The following ARHGEF1 variants were observed in gnomAD, a reference collection of about 807,000 sequenced individuals.
ARHGEF1 encodes the protein 115 kDa guanine nucleotide exchange factor.
A neutral mutation model predicts 119.7 loss-of-function variants in ARHGEF1; 40 were observed. The observed-to-expected ratio is 0.33, with a 90% confidence interval of 0.26 to 0.44. The LOEUF is 0.44. ARHGEF1 is among the 20% of genes least tolerant of loss of function. ARHGEF1 has a pLI of 1.00. For missense variants in ARHGEF1, 976 were observed against 1,268.3 expected, an observed-to-expected ratio of 0.77 and a Z score of 3.50; for synonymous variants, 494 against 521.0, an observed-to-expected ratio of 0.95 and a Z score of 0.71.
At chr19:41,894,062 G>A (rs572784695) in intron 8 of ARHGEF1, 145 bp from the exon 9 acceptor site, 59 of 495,938 alleles carry the variant, frequency 1.2e-4, no homozygotes, top group African/African-American at 1.1e-3. Flanking sequence ...AGTCTCACAG[G>A]AAGTAGTTGT....
chr19:41,914,606 CT>C lies in ARHGEF1; in HGVS notation c.1865+7804del, dbSNP rs1568831729. On this transcript the variant is annotated intron_variant, in intron 18 of 20. Coordinates refer to the ARHGEF1 transcript ENST00000599589. The stretch of plus-strand genomic sequence containing the variant: ...CCCTCCCTTTCCACCATCTCTGTCT[CT>C]CCCTCCCCTTCCACCATCTCTGTCT... 1.5e-3 allele frequency among the ~76,000 whole-genome samples: 88 copies of C among 59,580 alleles called. 10 individuals are homozygous for C. The highest frequency in any genetic ancestry group is 2.0e-3 in the Non-Finnish European group (63 of 31,178). The allele number at this position is 59,580 out of a possible 152,430, so 39.1% of individuals were successfully genotyped here. A position where few individuals can be genotyped will look rare whatever the true frequency, so the allele number is the denominator to read the frequency against.
At chr19:41,908,375 A>AC, downstream of ARHGEF1, 4 of 1,230,826 alleles carry the variant, frequency 3.2e-6, no homozygotes, top group Non-Finnish European at 4.1e-6. This position sits in a 1 kb window ranked among gnomAD's most constrained non-coding sequence, Gnocchi z 6.7. Flanking sequence ...CAGCCTCTGG[A>AC]CCCCCAGCCC....
At chr19:41,929,421 G>C (rs2074891959) in intron 2 of ARHGEF1, among the ~76,000 whole-genome samples, 1 of 152,170 alleles carries the variant, frequency 6.6e-6, no homozygotes, top group African/African-American at 2.4e-5. Context: ...TGCCCAGCCA[G>C]ATCTGCTCCC....
At chr19:41,894,708 A>T (rs1555847161) in intron 11 of ARHGEF1, 47 bp downstream of exon 11, 1 of 1,605,752 alleles carries the variant, frequency 6.2e-7, no homozygotes, top group East Asian at 2.2e-5. Context: ...CCTGTGTGGG[A>T]GAGGCTAGGA....
In ARHGEF1 at chr19:41,907,247, T is replaced by G; in HGVS notation, c.*160T>G. 6.6e-6 allele frequency: 10 copies of G among 1,521,704 alleles called. No homozygotes were observed. Among genetic ancestry groups the G allele is most frequent in the Non-Finnish European group, 8.8e-6 (10 of 1,138,856 alleles). The allele number at this position is 1,521,704 out of a possible 1,614,324, so 94.3% of individuals were successfully genotyped here. ...CTGGGAGGGGCCCAGCTGGGGTTAC[T>G]GGCCCCGCATGAGCCTCGGCCATCT... is the stretch of plus-strand genomic sequence containing the variant. On this transcript the variant is annotated 3_prime_UTR_variant, in exon 29 of 29. Transcript: ENST00000354532.
rs782728786 is a variant in ARHGEF1 at position 41,894,555 on chromosome 19, G to A, written c.841+8G>A. The A allele has an allele frequency of 3.1e-6, 5 of 1,613,764 alleles. No homozygotes were observed. Among genetic ancestry groups the A allele is most frequent in the South Asian group, 2.2e-5 (2 of 91,066 alleles). On this transcript the variant is annotated splice_region_variant and intron_variant, in intron 10 of 28. Coordinates refer to ENST00000354532, the MANE Select transcript of ARHGEF1 (RefSeq NM_004706.4). ...ACCGGGGAGAGCCCCAGGGTAAGGC[G>A]GCTCTGGCCTCTGCCCTCCCCTGTC...
At chr19:41,907,490 G>A, downstream of ARHGEF1, 1 of 1,350,634 alleles carries the variant, frequency 7.4e-7, no homozygotes, top group Non-Finnish European at 1.0e-6. Context: ...GCCTGGCATG[G>A]CGTCTGGAAC....
At chr19:41,925,710 CAG>C (rs1256886643) in intron 1 of ARHGEF1, among the ~76,000 whole-genome samples, 1 of 152,088 alleles carries the variant, frequency 6.6e-6, no homozygotes, top group Non-Finnish European at 1.5e-5. Context: ...GTAGGAAAGA[CAG>C]GTACGGGGGA....
chr19:41,887,896 G>A (rs1470483906), intron 1 of ARHGEF1, among the ~76,000 whole-genome samples, 168 bp from the exon 2 acceptor site: 1 of 152,238 alleles, frequency 6.6e-6, no homozygotes, highest in Admixed American at 6.5e-5. Context: ...GCCCCCTGGC[G>A]GGTCTCTGAA....
chr19:41,926,664 T>C (rs782030484), intron 1 of ARHGEF1, among the ~76,000 whole-genome samples: 1 of 151,540 alleles, frequency 6.6e-6, no homozygotes, highest in Non-Finnish European at 1.5e-5. Flanking sequence ...CCAGGGCCCC[T>C]GAGGCTGCTT....
chr19:41,899,862 A>G (rs1335505271), intron 14 of ARHGEF1, among the ~76,000 whole-genome samples: 3 of 152,116 alleles, frequency 2.0e-5, no homozygotes, highest in Admixed American at 1.3e-4. Flanking sequence ...TACTTATTCA[A>G]AAATTTTAGG....
chr19:41,895,579 C>G (rs2074470748), intron 12 of ARHGEF1, 93 bp downstream of exon 12: 1 of 1,362,580 alleles, frequency 7.3e-7, no homozygotes. Context: ...AGAAGCCATT[C>G]CCCAGCAACA....
chr19:41,903,611 A>G lies in ARHGEF1; in HGVS notation c.1840-96A>G. On this transcript the variant is annotated intron_variant, in intron 19 of 28. Coordinates refer to ENST00000354532, the MANE Select transcript of ARHGEF1 (RefSeq NM_004706.4). This position sits in a 1 kb window ranked among gnomAD's most constrained non-coding sequence, Gnocchi z 4.2. ...GCCCAACCCTCAGCTTGCCCGCATC[A>G]GAAGTTGGTCTTGGCTCTCATCTTA... 1 of 1,363,312 alleles carries G rather than the reference A, an allele frequency of 7.3e-7. No homozygotes were observed. Among genetic ancestry groups the G allele is most frequent in the South Asian group, 1.2e-5 (1 of 82,004 alleles). The allele number at this position is 1,363,312 out of a possible 1,614,324, so 84.5% of individuals were successfully genotyped here.
At position 41,892,468 on chromosome 19, in the gene ARHGEF1, C is replaced by T. The variant is rs1473985811; in HGVS notation, c.367+95C>T. On this transcript the variant is annotated intron_variant, in intron 6 of 28. Coordinates refer to ENST00000354532, the MANE Select transcript of ARHGEF1 (RefSeq NM_004706.4). The surrounding 1 kb of genome is among the most constrained non-coding windows in gnomAD (Gnocchi z 6.3). ...GGAGGCCGCACTCCCATGCTCTGCT[C>T]GGACAGCCGAGATTCATTCATTCCT... 4.0e-5 allele frequency: 64 copies of T among 1,596,598 alleles called. No individual in the cohort carries two copies. Among genetic ancestry groups the T allele is most frequent in the African/African-American group, 5.4e-5 (4 of 74,566 alleles).
rs905798965 is a variant in ARHGEF1 at position 41,902,668 on chromosome 19, G to A, written c.1623+10G>A. On this transcript the variant is annotated intron_variant, in intron 17 of 28. Coordinates refer to ENST00000354532, the MANE Select transcript of ARHGEF1 (RefSeq NM_004706.4). This position sits in a 1 kb window ranked among gnomAD's most constrained non-coding sequence, Gnocchi z 6.5. Reference sequence around the variant, plus strand: ...CTGTGCCTTCGTGCAGGTGAGGTGGGGTCTGGACTCCAGCTTCCCAGGGAG... The same window carrying A: ...CTGTGCCTTCGTGCAGGTGAGGTGGAGTCTGGACTCCAGCTTCCCAGGGAG... 3 of 1,614,018 alleles carry A rather than the reference G, an allele frequency of 1.9e-6. No homozygotes were observed. Among genetic ancestry groups the A allele is most frequent in the Admixed American group, 3.3e-5 (2 of 60,002 alleles).
Position 41,907,263 on chromosome 19 carries a change from TCGG to T in ARHGEF1, c.*178_*180del, listed in dbSNP as rs1183315699. 6.6e-7 allele frequency: 1 copy of T among 1,526,470 alleles called. No homozygotes were observed. The highest frequency in any genetic ancestry group is 1.4e-5 in the African/African-American group (1 of 72,762). The allele number at this position is 1,526,470 out of a possible 1,614,324, so 94.6% of individuals were successfully genotyped here. A position where few individuals can be genotyped will look rare whatever the true frequency, so the allele number is the denominator to read the frequency against. ...TGGGGTTACTGGCCCCGCATGAGCC[TCGG>T]CCATCTCTCCCTCCTGCCCTCTGCT... On this transcript the variant is annotated 3_prime_UTR_variant, in exon 29 of 29. Coordinates refer to ENST00000354532, the MANE Select transcript of ARHGEF1 (RefSeq NM_004706.4).
intron 8 of ARHGEF1, among the ~76,000 whole-genome samples, chr19:41,893,905 G>A (rs2074426386): frequency 2.3e-5 from 3 of 129,934 alleles, no homozygotes; most frequent in Admixed American, 1.5e-4. Context: ...CTGGGGGCCT[G>A]GACTCCTGGG....
chr19:41,903,543 G>A lies in ARHGEF1; in HGVS notation c.1839+136G>A. On this transcript the variant is annotated intron_variant, in intron 19 of 28. Transcript: ENST00000354532. The surrounding 1 kb of genome is among the most constrained non-coding windows in gnomAD (Gnocchi z 4.2). Reference sequence around the variant, plus strand: ...CAAGGGTCACTGTGTCCAGGGGTTGGCTTGGCCCTCAGCATCTCCCTCTCA... The same window carrying A: ...CAAGGGTCACTGTGTCCAGGGGTTGACTTGGCCCTCAGCATCTCCCTCTCA... The A allele has an allele frequency of 1.8e-6, 2 of 1,103,372 alleles. No homozygotes were observed. The allele number at this position is 1,103,372 out of a possible 1,614,324, so 68.3% of individuals were successfully genotyped here. A position where few individuals can be genotyped will look rare whatever the true frequency, so the allele number is the denominator to read the frequency against.
chr19:41,895,600 G>T (rs2074471490), intron 12 of ARHGEF1, 114 bp downstream of exon 12: 1 of 1,172,750 alleles, frequency 8.5e-7, no homozygotes, highest in East Asian at 2.5e-5. Flanking sequence ...CCTCCCCTTT[G>T]CTCTCAGCAT....
Sources: allele counts gnomAD v4.1 joint callset (sites outside exome capture counted in the v4.1 genomes callset), GRCh38; gene constraint gnomAD v4.1.1; non-coding constraint Gnocchi (gnomAD v3.1); transcripts MANE v1.5; gene names NCBI Gene and HGNC (gene_info 2026-07-23, HGNC 2026-07-21).